NCKAP5: variants seen among roughly 807,000 people sequenced by gnomAD.
NCKAP5 encodes nck-associated protein 5.
A neutral mutation model predicts 167.0 loss-of-function variants in NCKAP5; 92 were observed. The observed-to-expected ratio is 0.55, with a 90% confidence interval of 0.47 to 0.66. NCKAP5 has a LOEUF of 0.66. NCKAP5 is among the 30% of genes least tolerant of loss of function. The pLI, the probability that NCKAP5 is intolerant of heterozygous loss-of-function variation, is 0.00. For synonymous variants in NCKAP5, 891 were observed against 877.4 expected (o/e 1.02, Z -0.27); for missense variants, 2,378 against 2,315.0 (o/e 1.03, Z -0.56).
At chr2:133,177,164 C>CTATATATATATATATATATA (rs61395261) in intron 5 of NCKAP5, among the ~76,000 whole-genome samples, 240 of 138,550 alleles carry the variant, frequency 1.7e-3, no homozygotes, top group African/African-American at 3.6e-3. Context: ...GTTTTGTTTT[C>CTATATATATATATATATATA]TATATATATA....
At chr2:133,177,200 TCTG>T in intron 5 of NCKAP5, among the ~76,000 whole-genome samples, 1 of 132,440 alleles carries the variant, frequency 7.6e-6, no homozygotes, top group South Asian at 2.4e-4. Flanking sequence ...TCAAGAAACT[TCTG>T]TAAAATGCAT....
intron 5 of NCKAP5, among the ~76,000 whole-genome samples, chr2:133,195,128 T>C (rs2085383672): frequency 6.6e-6 from 1 of 152,090 alleles, no homozygotes; most frequent in African/African-American, 2.4e-5. Context: ...AAAAGCCGCC[T>C]CACTTACTTG....
At chr2:132,878,186 T>C (rs1691436160) in intron 9 of NCKAP5, among the ~76,000 whole-genome samples, 1 of 152,174 alleles carries the variant, frequency 6.6e-6, no homozygotes, top group African/African-American at 2.4e-5. Flanking sequence ...CATGTCTGTT[T>C]TCTCCTCACC....
chr2:132,789,238 G>A (rs1011019222), intron 13 of NCKAP5, among the ~76,000 whole-genome samples: 6 of 152,304 alleles, frequency 3.9e-5, no homozygotes, highest in East Asian at 3.9e-4. Flanking sequence ...TTCACAAAGC[G>A]AGGAAACATC....
chr2:133,169,918 G>A (rs1004314603), intron 5 of NCKAP5, among the ~76,000 whole-genome samples: 3 of 152,230 alleles, frequency 2.0e-5, no homozygotes, highest in South Asian at 2.1e-4. Flanking sequence ...AGGAATGTCC[G>A]TAAAGCAATA....
chr2:133,025,647 C>G (rs952136479), intron 6 of NCKAP5, among the ~76,000 whole-genome samples: 1 of 152,026 alleles, frequency 6.6e-6, no homozygotes, highest in African/African-American at 2.4e-5. Context: ...AAGACAAGAC[C>G]AAGAGGAGTG....
intron 6 of NCKAP5, among the ~76,000 whole-genome samples, chr2:133,065,098 G>C (rs918567164): frequency 1.3e-5 from 2 of 152,206 alleles, no homozygotes; most frequent in African/African-American, 4.8e-5. Flanking sequence ...TAAGTTAGTA[G>C]AATAATCTCC....
chr2:133,094,428 C>A (rs532991312), intron 6 of NCKAP5, among the ~76,000 whole-genome samples: 1 of 152,176 alleles, frequency 6.6e-6, no homozygotes, highest in Non-Finnish European at 1.5e-5. Context: ...CCTTTTAAGG[C>A]TAAATACCAC....
chr2:133,177,926 T>C (rs963551831), intron 5 of NCKAP5, among the ~76,000 whole-genome samples: 1 of 152,288 alleles, frequency 6.6e-6, no homozygotes, highest in Admixed American at 6.5e-5. Context: ...TCATCAATGC[T>C]GAGTGGCAAG....
At chr2:132,693,880 T>C (rs1228090914) in intron 19 of NCKAP5, among the ~76,000 whole-genome samples, 1 of 151,926 alleles carries the variant, frequency 6.6e-6, no homozygotes, top group Non-Finnish European at 1.5e-5. Flanking sequence ...TGTCTCTACC[T>C]CCCAAAGTGC....
rs575686030 is a variant in NCKAP5, at chr2:132,816,350, G to A, written c.808-19621C>T. On this transcript the variant is annotated intron_variant, in intron 11 of 19. Transcript: ENST00000409261. ...ACAAACACAAGTAGCAAGCGGAAGA[G>A]GGGATAGGTAAATGCTTCAGTAGGT... Among the ~76,000 whole-genome samples, 21 of 152,224 alleles carry A rather than the reference G, an allele frequency of 1.4e-4. No homozygotes were observed. In the South Asian group the frequency reaches 3.9e-3, roughly 29 times the overall value.
At chr2:133,573,042 A>G (rs1688923224), upstream of NCKAP5, among the ~76,000 whole-genome samples, 1 of 152,224 alleles carries the variant, frequency 6.6e-6, no homozygotes, top group African/African-American at 2.4e-5. Context: ...ACAATAGATC[A>G]TATCTGACAC....
chr2:132,874,222 C>A (rs919488140), intron 9 of NCKAP5, among the ~76,000 whole-genome samples: 1 of 150,538 alleles, frequency 6.6e-6, no homozygotes, highest in African/African-American at 2.4e-5. Flanking sequence ...GATTCTCCTG[C>A]TTCAGCCTCC....
chr2:133,098,520 A>G (rs551978141), intron 6 of NCKAP5, among the ~76,000 whole-genome samples: 7 of 152,358 alleles, frequency 4.6e-5, no homozygotes, highest in African/African-American at 1.2e-4. Context: ...CTTCCCAATT[A>G]AACTTACTGC....
At chr2:133,610,330 T>C in the NCKAP5 span, among the ~76,000 whole-genome samples, 3 of 152,116 alleles carry the variant, frequency 2.0e-5, no homozygotes, top group African/African-American at 7.2e-5. Flanking sequence ...CAGATGAAGA[T>C]GAATTGGAGC....
the NCKAP5 span, among the ~76,000 whole-genome samples, chr2:133,621,788 G>A: frequency 6.6e-6 from 1 of 152,024 alleles, no homozygotes; most frequent in Non-Finnish European, 1.5e-5. Context: ...ATTCTATGAA[G>A]CCAGTATCAC....
At chr2:132,820,017 A>G (rs146367434) in intron 11 of NCKAP5, among the ~76,000 whole-genome samples, 1 of 152,300 alleles carries the variant, frequency 6.6e-6, no homozygotes, top group East Asian at 1.9e-4. Context: ...ACCACAGGAT[A>G]TTCTCTTCCC....
At chr2:133,025,860 C>T (rs192018992) in intron 6 of NCKAP5, among the ~76,000 whole-genome samples, 1 of 152,284 alleles carries the variant, frequency 6.6e-6, no homozygotes, top group East Asian at 1.9e-4. Flanking sequence ...ACATGTGCAT[C>T]ATGTGCAGAT....
chr2:133,404,779 T>G (rs1559457687), intron 3 of NCKAP5, among the ~76,000 whole-genome samples: 2 of 152,240 alleles, frequency 1.3e-5, no homozygotes, highest in Admixed American at 6.5e-5. Flanking sequence ...TATTCAGGTC[T>G]TTTCTTTCAC....
Sources: allele counts gnomAD v4.1 joint callset (sites outside exome capture counted in the v4.1 genomes callset), GRCh38; gene constraint gnomAD v4.1.1; transcripts MANE v1.5; gene names NCBI Gene and HGNC (gene_info 2026-07-23, HGNC 2026-07-21).